VAPB: variants seen among roughly 807,000 people sequenced by gnomAD.
VAPB encodes the protein vesicle-associated membrane protein-associated protein B/C.
A neutral mutation model predicts 25.6 loss-of-function variants in VAPB; 7 were observed. The observed-to-expected ratio is 0.27, with a 90% confidence interval of 0.16 to 0.51. The LOEUF (loss-of-function observed/expected upper bound fraction) is 0.51, where lower values mean the gene tolerates loss of function less well. Among genes scored for constraint, VAPB ranks in the 20% least tolerant of loss-of-function variants. VAPB has a pLI of 0.97. For synonymous variants in VAPB, 112 were observed against 109.2 expected (o/e 1.03, Z -0.16); for missense variants, 266 against 301.3 (o/e 0.88, Z 0.87).
At position 58,450,046 on chromosome 20, in the gene VAPB, A is replaced by G. The variant is rs138464346; in HGVS notation, c.*5811A>G. 2.2e-6 allele frequency: 1 copy of G among 454,138 alleles called. No individual in the cohort carries two copies. The highest frequency in any genetic ancestry group is 1.6e-5 in the South Asian group (1 of 64,478). 28.1% of individuals were successfully genotyped at this position (454,138 alleles called of 1,614,324 possible). A position where few individuals can be genotyped will look rare whatever the true frequency, so the allele number is the denominator to read the frequency against. On this transcript the variant is annotated 3_prime_UTR_variant, in exon 6 of 6. Coordinates refer to ENST00000475243, the MANE Select transcript of VAPB (RefSeq NM_004738.5). ...TTGCGGGGCTTTTTAGGGTTTAAGA[A>G]GATGAGAAATGAGTGTGCACGTTTC... is the stretch of plus-strand genomic sequence containing the variant.
chr20:58,414,170 G>C (rs112560525), intron 1 of VAPB, among the ~76,000 whole-genome samples: 1 of 105,950 alleles, frequency 9.4e-6, no homozygotes, highest in African/African-American at 3.6e-5. Context: ...CTGGCCGGGC[G>C]GGGGGCTGAC....
intron 1 of VAPB, among the ~76,000 whole-genome samples, chr20:58,397,142 C>G (rs753813407): frequency 2.0e-5 from 3 of 152,206 alleles, no homozygotes; most frequent in Non-Finnish European, 2.9e-5. Context: ...AAAGTTCAGA[C>G]AGATGACTCC....
chr20:58,412,576 CA>C (rs375713162), intron 1 of VAPB, among the ~76,000 whole-genome samples: 81 of 90,738 alleles, frequency 8.9e-4, no homozygotes, highest in Middle Eastern at 7.2e-3. Flanking sequence ...GACTCTGTCT[CA>C]AAAAAAAAAA....
In VAPB at chr20:58,418,043, G is replaced by A. The variant is rs151177993; in HGVS notation, c.59-168G>A. 5.3e-3 allele frequency among the ~76,000 whole-genome samples: 800 copies of A among 152,228 alleles called. 7 individuals are homozygous for A. The highest frequency in any genetic ancestry group is 0.018 in the African/African-American group (748 of 41,512). Reference sequence around the variant, plus strand: ...AGTGGGAACATGGTAAATATTAGACGTTACTGCTAGTGCATTAACCTCAGC... The same window carrying A: ...AGTGGGAACATGGTAAATATTAGACATTACTGCTAGTGCATTAACCTCAGC... On this transcript the variant is annotated intron_variant, in intron 1 of 5. Transcript: ENST00000475243.
intron 2 of VAPB, among the ~76,000 whole-genome samples, chr20:58,430,213 C>CT (rs1238014542): frequency 6.6e-6 from 1 of 151,332 alleles, no homozygotes; most frequent in African/African-American, 2.4e-5. Context: ...AATTAGGAGA[C>CT]TGATACTTGA....
At chr20:58,404,861 C>T (rs1261399443) in intron 1 of VAPB, among the ~76,000 whole-genome samples, 1 of 152,004 alleles carries the variant, frequency 6.6e-6, no homozygotes, top group African/African-American at 2.4e-5. Context: ...CTCTCTCTAG[C>T]TTGAGAGCCT....
At position 58,436,737 on chromosome 20, in the gene VAPB, A is replaced by T. The variant is rs142457102; in HGVS notation, c.315+2032A>T. 2.1e-4 allele frequency among the ~76,000 whole-genome samples: 32 copies of T among 152,306 alleles called. No individual in the cohort carries two copies. The East Asian group carries it at 6.0e-3, about 28-fold the overall frequency. On this transcript the variant is annotated intron_variant, in intron 3 of 5. Coordinates refer to ENST00000475243, the MANE Select transcript of VAPB (RefSeq NM_004738.5). ...TTTACCTAGATTTACATTTGTTAAC[A>T]TGTTGTGACATTTGCTTCCTTTCTG...
intron 5 of VAPB, among the ~76,000 whole-genome samples, chr20:58,442,094 G>A (rs376081360): frequency 4.6e-5 from 7 of 152,306 alleles, no homozygotes; most frequent in African/African-American, 1.7e-4. Flanking sequence ...CTGAATCTGT[G>A]CTGGTCACAG....
At chr20:58,414,376 C>A (rs1232940117) in intron 1 of VAPB, among the ~76,000 whole-genome samples, 1 of 150,280 alleles carries the variant, frequency 6.7e-6, no homozygotes, top group East Asian at 2.0e-4. Flanking sequence ...GAGACGCCCC[C>A]CACCTCCCAG....
rs772466339 is a variant in VAPB, at chr20:58,389,274, C to A, written c.-186C>A. 16 of 700,148 alleles carry A rather than the reference C, an allele frequency of 2.3e-5. 1 individual carries two copies. Among genetic ancestry groups the A allele is most frequent in the South Asian group, 1.7e-4 (11 of 65,890 alleles). 43.4% of individuals were successfully genotyped at this position (700,148 alleles called of 1,614,324 possible). The stretch of plus-strand genomic sequence containing the variant: ...GCACCGCGGCCTCGCCCTCGCCCTC[C>A]GCCCCTGCGCCTGCACCGCGTAGAC... On this transcript the variant is annotated 5_prime_UTR_variant, in exon 1 of 6. Transcript: ENST00000475243.
intron 2 of VAPB, among the ~76,000 whole-genome samples, chr20:58,424,714 C>A (rs1432650444): frequency 6.6e-6 from 1 of 152,162 alleles, no homozygotes; most frequent in Admixed American, 6.5e-5. Flanking sequence ...TATAGCAGTC[C>A]TCATCTTCCA....
chr20:58,429,472 G>T (rs563675269), intron 2 of VAPB, among the ~76,000 whole-genome samples: 2 of 152,326 alleles, frequency 1.3e-5, no homozygotes, highest in African/African-American at 4.8e-5. Flanking sequence ...TGTCTACACT[G>T]TGGTGACTTG....
At chr20:58,434,885 A>G (rs1022956311) in intron 3 of VAPB, among the ~76,000 whole-genome samples, 180 bp downstream of exon 3, 3 of 151,974 alleles carry the variant, frequency 2.0e-5, no homozygotes, top group African/African-American at 7.2e-5. Context: ...TTGAGGAATA[A>G]TTTTAACATT....
chr20:58,400,565 T>A (rs1001664658), intron 1 of VAPB, among the ~76,000 whole-genome samples: 1 of 152,368 alleles, frequency 6.6e-6, no homozygotes, highest in African/African-American at 2.4e-5. Context: ...CTTCATTTAC[T>A]TATTTATTGC....
At position 58,389,333 on chromosome 20, in the gene VAPB, AC is replaced by A. The variant is rs933652210; in HGVS notation, c.-122del. 2.0e-5 allele frequency: 8 copies of A among 401,074 alleles called. No homozygotes were observed. The highest frequency in any genetic ancestry group is 1.7e-4 in the African/African-American group (6 of 34,824). 24.8% of individuals were successfully genotyped at this position (401,074 alleles called of 1,614,324 possible). On this transcript the variant is annotated 5_prime_UTR_variant, in exon 1 of 6. Coordinates refer to ENST00000475243, the MANE Select transcript of VAPB (RefSeq NM_004738.5). ...CCCCAGCGCGCCCACCCGGTAGAGG[AC>A]CCCCGCCCGTGCCCCGACCGGTCCC...
intron 1 of VAPB, among the ~76,000 whole-genome samples, chr20:58,413,139 C>CTT (rs11481028): frequency 0.17 from 22,485 of 132,644 alleles, 2,176 homozygotes; most frequent in East Asian, 0.28. Flanking sequence ...TATTTGCCTT[C>CTT]TTTTTTTTTT....
At chr20:58,430,474 G>T (rs952763283) in intron 2 of VAPB, among the ~76,000 whole-genome samples, 1 of 152,084 alleles carries the variant, frequency 6.6e-6, no homozygotes, top group Non-Finnish European at 1.5e-5. Context: ...TGGCCAGGCT[G>T]GTCACAGACT....
chr20:58,426,369 T>C (rs1269738980), intron 2 of VAPB, among the ~76,000 whole-genome samples: 1 of 152,194 alleles, frequency 6.6e-6, no homozygotes, highest in East Asian at 1.9e-4. Context: ...GGCTATTCCT[T>C]ACAGAGTTCT....
At position 58,448,192 on chromosome 20, in the gene VAPB, G is replaced by C; in HGVS notation, c.*3957G>C. The C allele has an allele frequency of 6.6e-6, 3 of 454,014 alleles. No homozygotes were observed. Among genetic ancestry groups the C allele is most frequent in the South Asian group, 4.7e-5 (3 of 64,470 alleles). The allele number at this position is 454,014 out of a possible 1,614,324, so 28.1% of individuals were successfully genotyped here. A position where few individuals can be genotyped will look rare whatever the true frequency, so the allele number is the denominator to read the frequency against. ...TAGAAAGGCCCCTGCAAAGTATATA[G>C]ATGGATGACTCTAGTTCATGACATA... On this transcript the variant is annotated 3_prime_UTR_variant, in exon 6 of 6. Coordinates refer to ENST00000475243, the MANE Select transcript of VAPB (RefSeq NM_004738.5).
Sources: gnomAD v4.1 joint callset for allele counts (sites outside exome capture counted in the v4.1 genomes callset) on GRCh38, gnomAD v4.1.1 for gene constraint, MANE v1.5 for transcripts, NCBI Gene and HGNC (gene_info 2026-07-23, HGNC 2026-07-21) for gene names.